C6orf89: variants seen among roughly 807,000 people sequenced by gnomAD.
C6orf89 encodes the protein chromosome 6 open reading frame 89.
C6orf89 carries 29 observed loss-of-function variants against 40.7 expected under a neutral mutation model. That is an observed-to-expected ratio of 0.71 (90% CI 0.53 to 0.97). The LOEUF (loss-of-function observed/expected upper bound fraction) is 0.97. C6orf89 is among the 50% of genes least tolerant of loss of function. The pLI is 0.00. For synonymous variants in C6orf89, 165 were observed against 152.2 expected, an observed-to-expected ratio of 1.08 and a Z score of -0.62; for missense variants, 392 against 429.1, an observed-to-expected ratio of 0.91 and a Z score of 0.76.
rs1583213042 is a variant in C6orf89, at chr6:36,926,545, A to G, written c.*3104A>G. ...GAAACTCTGTCAAAGGAAAGGAAAG[A>G]AAAGAAAAAAAAAAAGAGAGAGAGA... On this transcript the variant is annotated 3_prime_UTR_variant, in exon 9 of 9. Coordinates refer to ENST00000480824, the MANE Select transcript of C6orf89 (RefSeq NM_001286635.2). 1 of 130,462 alleles carries G rather than the reference A, an allele frequency of 7.7e-6. No individual in the cohort carries two copies. The highest frequency in any genetic ancestry group is 2.5e-4 in the South Asian group (1 of 3,964). The allele number at this position is 130,462 out of a possible 1,614,324, so 8.1% of individuals were successfully genotyped here.
Position 36,902,376 on chromosome 6 carries a change from C to T in C6orf89, c.345C>T (p.Tyr115=). The T allele has an allele frequency of 1.2e-6, 2 of 1,614,180 alleles. No individual in the cohort carries two copies. The highest frequency in any genetic ancestry group is 8.5e-7 in the Non-Finnish European group (1 of 1,180,052). Residue 115 remains tyrosine (Y), a synonymous_variant, in exon 4 of 9, where the codon TAC becomes TAT. Transcript: ENST00000480824. The part of the protein sequence containing the change: ...RLMSLPIAKK[Y]MSENKGVPLH... ...TGTCCTTGCCCATTGCCAAGAAGTA[C>T]ATGTCAGAAAATAAGGGAGTTCCTC...
At position 36,923,551 on chromosome 6, in the gene C6orf89, A is replaced by T; in HGVS notation, c.*110A>T. ...CTTTCTGGGGGTTGGTTACTTAGTT[A>T]CCTGCCCTTTGCATGCATGTGTGAA... On this transcript the variant is annotated 3_prime_UTR_variant, in exon 9 of 9. Transcript: ENST00000480824. 1 of 835,104 alleles carries T rather than the reference A, an allele frequency of 1.2e-6. No individual in the cohort carries two copies. The highest frequency in any genetic ancestry group is 1.7e-5 in the African/African-American group (1 of 59,368). The allele number at this position is 835,104 out of a possible 1,614,324, so 51.7% of individuals were successfully genotyped here. A position where few individuals can be genotyped will look rare whatever the true frequency, so the allele number is the denominator to read the frequency against.
rs778504462 is a variant in C6orf89 at position 36,899,466 on chromosome 6, A to T, written c.22A>T (p.Ile8Phe). The T allele has an allele frequency of 2.5e-6, 4 of 1,614,132 alleles. No homozygotes were observed. The highest frequency in any genetic ancestry group is 3.3e-4 in the Middle Eastern group (2 of 6,062). Residue 8 changes from isoleucine (I) to phenylalanine (F), a missense_variant, in exon 3 of 9, where the codon ATC becomes TTC. Ile to Phe is a conservative substitution (Grantham distance 21). Coordinates refer to ENST00000480824, the MANE Select transcript of C6orf89 (RefSeq NM_001286635.2). ...AGACATGGATCTTGCTGCCAACGAG[A>T]TCAGCATTTATGACAAACTTTCAGA... MDLAANEISIYDKLSETV... is the reference protein window; with the variant it reads MDLAANEFSIYDKLSETV...
In C6orf89 at chr6:36,927,351, CT is replaced by C. The variant is rs1762715261; in HGVS notation, c.*3913del. 1 of 152,220 alleles carries C rather than the reference CT, an allele frequency of 6.6e-6. No individual in the cohort carries two copies. Among genetic ancestry groups the C allele is most frequent in the Admixed American group, 6.5e-5 (1 of 15,288 alleles). The allele number at this position is 152,220 out of a possible 1,614,324, so 9.4% of individuals were successfully genotyped here. A position where few individuals can be genotyped will look rare whatever the true frequency, so the allele number is the denominator to read the frequency against. ...AATGAGTTTGCTTATTACCCAGTCA[CT>C]TTCGTAGTGAATGTTCAAACCCCAA... On this transcript the variant is annotated 3_prime_UTR_variant, in exon 9 of 9. Transcript: ENST00000480824.
At position 36,902,526 on chromosome 6, in the gene C6orf89, G is replaced by A. The variant is rs898529774; in HGVS notation, c.403+92G>A. 4.5e-6 allele frequency: 5 copies of A among 1,101,068 alleles called. No individual in the cohort carries two copies. In the African/African-American group the frequency reaches 6.3e-5, roughly 14 times the overall value. The allele number at this position is 1,101,068 out of a possible 1,614,324, so 68.2% of individuals were successfully genotyped here. ...AACATTTATTGATACCTAATGAGAG[G>A]CAAGCTCCCTATATTGTATCTTTTA... is the stretch of plus-strand genomic sequence containing the variant. On this transcript the variant is annotated intron_variant, in intron 4 of 8. Transcript: ENST00000480824.
chr6:36,890,470 G>A (rs1469334575), intron 1 of C6orf89, among the ~76,000 whole-genome samples: 1 of 152,054 alleles, frequency 6.6e-6, no homozygotes, highest in Non-Finnish European at 1.5e-5. Flanking sequence ...GTTACAAATA[G>A]CAGGATTTCT....
chr6:36,885,427 T>C (rs1774937963), upstream of C6orf89, among the ~76,000 whole-genome samples: 2 of 152,242 alleles, frequency 1.3e-5, no homozygotes, highest in Admixed American at 6.5e-5. Context: ...GTTGCCTGAT[T>C]CGTGAATCTT....
In C6orf89 at chr6:36,920,734, A is replaced by G. The variant is rs370111399; in HGVS notation, c.949+1033A>G. On this transcript the variant is annotated intron_variant, in intron 8 of 8. Transcript: ENST00000480824. ...TTCCTACAAAAACGAGGATTCTTGT[A>G]TGGAAATCGTTCTGAATCTTTTTCC... Among the ~76,000 whole-genome samples, 5 of 152,348 alleles carry G rather than the reference A, an allele frequency of 3.3e-5. No individual in the cohort carries two copies. The East Asian group carries it at 5.8e-4, about 18-fold the overall frequency.
chr6:36,872,503 C>T (rs1450679800), intron 1 of C6orf89, among the ~76,000 whole-genome samples: 4 of 152,050 alleles, frequency 2.6e-5, no homozygotes, highest in African/African-American at 9.7e-5. Flanking sequence ...AGGATGAGTG[C>T]TTTTTCCTCA....
At chr6:36,886,562 A>G (rs1774997952) in intron 1 of C6orf89, among the ~76,000 whole-genome samples, 1 of 152,240 alleles carries the variant, frequency 6.6e-6, no homozygotes, top group African/African-American at 2.4e-5. Flanking sequence ...ACCTCTTAGT[A>G]GAAGGAAATT....
chr6:36,897,826 C>T (rs374442921), intron 2 of C6orf89, among the ~76,000 whole-genome samples: 57 of 152,008 alleles, frequency 3.7e-4, no homozygotes, highest in African/African-American at 1.3e-3. Flanking sequence ...CTATGTCCTC[C>T]ACCCTACAGG....
chr6:36,910,482 C>CT (rs1363260593), intron 4 of C6orf89, among the ~76,000 whole-genome samples: 1 of 152,114 alleles, frequency 6.6e-6, no homozygotes, highest in African/African-American at 2.4e-5. Context: ...AATTCCAGCA[C>CT]TTTGGGAGGC....
intron 3 of C6orf89, among the ~76,000 whole-genome samples, chr6:36,901,315 ATTATTATTTTTTTT>A (rs1407517231): frequency 0.16 from 4,748 of 29,346 alleles, 369 homozygotes; most frequent in African/African-American, 0.36. Flanking sequence ...TATTATTATT[ATTATTATTTTTTTT>A]TTTTTTTTTT....
intron 7 of C6orf89, among the ~76,000 whole-genome samples, chr6:36,918,886 G>T (rs187467198): frequency 2.6e-5 from 4 of 152,324 alleles, no homozygotes; most frequent in African/African-American, 9.6e-5. Flanking sequence ...AGGGGCAGTA[G>T]TTACCTGTGC....
rs1762772794 is a variant in C6orf89, at chr6:36,928,954, G to A, written c.*5513G>A. 1 of 152,196 alleles carries A rather than the reference G, an allele frequency of 6.6e-6. No homozygotes were observed. The highest frequency in any genetic ancestry group is 2.4e-5 in the African/African-American group (1 of 41,428). 9.4% of individuals were successfully genotyped at this position (152,196 alleles called of 1,614,324 possible). A position where few individuals can be genotyped will look rare whatever the true frequency, so the allele number is the denominator to read the frequency against. ...TTACTTTTTGCAATTAAAAGTGTTG[G>A]TTGATAAGAACTTTCCTCTTGTTGG... On this transcript the variant is annotated 3_prime_UTR_variant, in exon 9 of 9. Transcript: ENST00000480824.
At chr6:36,877,024 A>G (rs147353973) in intron 1 of C6orf89, among the ~76,000 whole-genome samples, 16 of 152,264 alleles carry the variant, frequency 1.1e-4, no homozygotes, top group African/African-American at 3.6e-4. Flanking sequence ...CTGTTTTTGA[A>G]TTTTATATAA....
chr6:36,918,561 C>A (rs998633218), intron 7 of C6orf89, among the ~76,000 whole-genome samples: 2 of 152,104 alleles, frequency 1.3e-5, no homozygotes, highest in African/African-American at 4.8e-5. Context: ...GGCCAAAACC[C>A]AAGACTCTGG....
intron 4 of C6orf89, among the ~76,000 whole-genome samples, chr6:36,912,341 G>A (rs1762157053): frequency 6.6e-6 from 1 of 152,188 alleles, no homozygotes; most frequent in Non-Finnish European, 1.5e-5. Context: ...ATGGGAAAGT[G>A]ACTAACATAG....
chr6:36,911,626 T>A (rs1335463409), intron 4 of C6orf89, among the ~76,000 whole-genome samples: 1 of 152,164 alleles, frequency 6.6e-6, no homozygotes, highest in Non-Finnish European at 1.5e-5. Flanking sequence ...TTTCTCCTGG[T>A]GCTTTACTCT....
Sources: allele counts gnomAD v4.1 joint callset (sites outside exome capture counted in the v4.1 genomes callset), GRCh38; gene constraint gnomAD v4.1.1; transcripts MANE v1.5; gene names NCBI Gene and HGNC (gene_info 2026-07-23, HGNC 2026-07-21).